The following HS3ST3B1 variants were observed in gnomAD, a reference collection of about 807,000 sequenced individuals.
HS3ST3B1 encodes the protein heparan sulfate-glucosamine 3-sulfotransferase 3B1.
Under a neutral mutation model 21.3 loss-of-function variants are expected in HS3ST3B1, and 13 were observed. That is an observed-to-expected ratio of 0.61 (90% confidence interval 0.40 to 0.97). HS3ST3B1 has a LOEUF of 0.97. Ranked by LOEUF, HS3ST3B1 falls within the 50% of genes least tolerant of loss-of-function variation. The probability of loss-of-function intolerance (pLI) is 0.00; values close to 1 mark genes in which losing one functional copy is unlikely to be tolerated. For missense variants in HS3ST3B1, 459 were observed against 554.8 expected (o/e 0.83, Z 1.73); for synonymous variants, 234 against 254.8 (o/e 0.92, Z 0.78).
In HS3ST3B1 at chr17:14,303,505, G is replaced by C. The variant is rs1331864853; in HGVS notation, c.554+1433G>C. Among the ~76,000 whole-genome samples, 4 of 152,134 alleles carry C rather than the reference G, an allele frequency of 2.6e-5. No homozygotes were observed. The highest frequency in any genetic ancestry group is 5.9e-5 in the Non-Finnish European group (4 of 68,028). On this transcript the variant is annotated intron_variant, in intron 1 of 1. Coordinates refer to ENST00000360954, the MANE Select transcript of HS3ST3B1 (RefSeq NM_006041.3). This position sits in a 1 kb window ranked among gnomAD's most constrained non-coding sequence, Gnocchi z 5.7. ...TCATCTTTCCCACCGTTCCCGGGCT[G>C]TGACCCATTCTCGGGACACTGGTGG...
At chr17:14,317,735 G>A (rs564669142) in intron 1 of HS3ST3B1, among the ~76,000 whole-genome samples, 167 of 152,222 alleles carry the variant, frequency 1.1e-3, no homozygotes, top group Middle Eastern at 3.4e-3. Context: ...GCTCAGAGGT[G>A]GAGAGGCTGG....
intron 1 of HS3ST3B1, among the ~76,000 whole-genome samples, chr17:14,323,654 C>T (rs1909722938): frequency 1.3e-5 from 2 of 152,062 alleles, no homozygotes; most frequent in Non-Finnish European, 2.9e-5. Context: ...TGTGAGGAGG[C>T]TGATAACTAC....
chr17:14,338,332 G>A (rs1910256400), intron 1 of HS3ST3B1, among the ~76,000 whole-genome samples: 1 of 151,606 alleles, frequency 6.6e-6, no homozygotes, highest in South Asian at 2.1e-4. Context: ...CATCATGTTA[G>A]CCAGGACGGT....
chr17:14,329,367 A>AGGAAGGAAGGAAGGAAGGAAGG (rs1340394610), intron 1 of HS3ST3B1: 635 of 105,904 alleles, frequency 6.0e-3, no homozygotes, highest in East Asian at 0.01. Context: ...GAAAGAAAGA[A>AGGAAGGAAGGAAGGAAGGAAGG]AAGGAAGGAA....
intron 1 of HS3ST3B1, among the ~76,000 whole-genome samples, chr17:14,311,787 A>C (rs900126444): frequency 6.6e-6 from 1 of 152,138 alleles, no homozygotes. Flanking sequence ...GCTTGTATGC[A>C]TACCTGTAAT....
intron 1 of HS3ST3B1, among the ~76,000 whole-genome samples, chr17:14,330,577 G>GTGTGTT (rs1244230220): frequency 2.6e-5 from 4 of 151,768 alleles, no homozygotes; most frequent in Non-Finnish European, 5.9e-5. Flanking sequence ...GTGTGTGTGT[G>GTGTGTT]TGTGTGTTGC....
chr17:14,318,368 C>G (rs888692123), intron 1 of HS3ST3B1, among the ~76,000 whole-genome samples: 11 of 152,134 alleles, frequency 7.2e-5, no homozygotes, highest in African/African-American at 2.7e-4. Context: ...GCCACGTGTC[C>G]ACGGCTCTCT....
rs902970291 is a variant in HS3ST3B1, at chr17:14,345,583, G to A, written c.1110G>A (p.Glu370=). The change falls in exon 2 of 2, where the codon GAG becomes GAA. Residue 370 remains glutamate, a synonymous_variant. Transcript: ENST00000360954. The part of the protein sequence containing the change: ...IDREVVRRLR[E]FYRPFNLKFY... ...GCGAGGTGGTGCGCAGGCTGCGCGA[G>A]TTCTACCGGCCTTTCAACCTCAAGT... 2.1e-5 allele frequency: 34 copies of A among 1,600,868 alleles called. No individual in the cohort carries two copies. In the African/African-American group the frequency reaches 3.9e-4, roughly 18 times the overall value.
rs530732448 is a variant in HS3ST3B1 at position 14,312,412 on chromosome 17, T to C, written c.554+10340T>C. Among the ~76,000 whole-genome samples, 95 of 152,276 alleles carry C rather than the reference T, an allele frequency of 6.2e-4. 2 individuals carry two copies. The South Asian group carries it at 0.018, about 30-fold the overall frequency. ...GACCAGTTTTAAGCCATCTCTTCTG[T>C]TGTTTCTTTCCTCCCAAAGATGTAG... On this transcript the variant is annotated intron_variant, in intron 1 of 1. Transcript: ENST00000360954.
chr17:14,320,795 G>T (rs915722589), intron 1 of HS3ST3B1, among the ~76,000 whole-genome samples: 4 of 152,102 alleles, frequency 2.6e-5, no homozygotes, highest in Non-Finnish European at 5.9e-5. Flanking sequence ...TCTCAGCTCC[G>T]CAGACCTACA....
rs1223463577 is a variant in HS3ST3B1 at position 14,303,004 on chromosome 17, A to G, written c.554+932A>G. ...GTTGCGGGTCAGGTTCCAAAGGGAC[A>G]GTGGCCCCGGGGTCACAATCACTAC... On this transcript the variant is annotated intron_variant, in intron 1 of 1. Transcript: ENST00000360954. The surrounding 1 kb of genome is among the most constrained non-coding windows in gnomAD (Gnocchi z 5.7). 6.6e-6 allele frequency among the ~76,000 whole-genome samples: 1 copy of G among 152,218 alleles called. No individual in the cohort carries two copies. The highest frequency in any genetic ancestry group is 2.4e-5 in the African/African-American group (1 of 41,460).
chr17:14,327,582 A>G (rs1909856348), intron 1 of HS3ST3B1: 1 of 152,170 alleles, frequency 6.6e-6, no homozygotes, highest in Non-Finnish European at 1.5e-5. Flanking sequence ...ATCTTTGGAC[A>G]TCTTTGGACA....
rs1252175566 is a variant in HS3ST3B1, at chr17:14,347,812, C to T, written c.*2166C>T. On this transcript the variant is annotated 3_prime_UTR_variant, in exon 2 of 2. Coordinates refer to ENST00000360954, the MANE Select transcript of HS3ST3B1 (RefSeq NM_006041.3). The stretch of plus-strand genomic sequence containing the variant: ...TCTCCCTGTTCTCCAATGTTTTATC[C>T]ATTTCGTAGCTTTTTTACTGTCTCC... 6.6e-6 allele frequency: 1 copy of T among 152,090 alleles called. No individual in the cohort carries two copies. The highest frequency in any genetic ancestry group is 1.9e-4 in the East Asian group (1 of 5,194). The allele number at this position is 152,090 out of a possible 1,614,324, so 9.4% of individuals were successfully genotyped here. A position where few individuals can be genotyped will look rare whatever the true frequency, so the allele number is the denominator to read the frequency against.
At chr17:14,314,297 T>C (rs369638458) in intron 1 of HS3ST3B1, among the ~76,000 whole-genome samples, 2 of 152,294 alleles carry the variant, frequency 1.3e-5, no homozygotes, top group East Asian at 3.9e-4. Flanking sequence ...TTATTTAAAT[T>C]TTTATTTACA....
intron 1 of HS3ST3B1, among the ~76,000 whole-genome samples, chr17:14,316,014 C>G (rs558815939): frequency 6.6e-6 from 1 of 152,264 alleles, no homozygotes; most frequent in East Asian, 1.9e-4. Flanking sequence ...TTCCAGCATC[C>G]TGAGGCATTG....
intron 1 of HS3ST3B1, among the ~76,000 whole-genome samples, chr17:14,344,757 A>G (rs548587855): frequency 1.3e-5 from 2 of 152,308 alleles, no homozygotes; most frequent in Middle Eastern, 3.4e-3. Context: ...GGGAAAGGTT[A>G]TACCCACAAG....
chr17:14,322,147 G>A (rs920735606), intron 1 of HS3ST3B1, among the ~76,000 whole-genome samples: 50 of 151,956 alleles, frequency 3.3e-4, no homozygotes, highest in African/African-American at 1.2e-3. Context: ...TTAGAGATGA[G>A]TCAGAGGTGG....
Position 14,345,820 on chromosome 17 carries a change from T to G in HS3ST3B1, c.*174T>G. ...GAGTTAGCTTCATAATCTGTTAACA[T>G]TCCAAAGTGTTTAACTCTAGTATTT... On this transcript the variant is annotated 3_prime_UTR_variant, in exon 2 of 2. Transcript: ENST00000360954. The G allele has an allele frequency of 7.3e-6, 6 of 817,856 alleles. No individual in the cohort carries two copies. The highest frequency in any genetic ancestry group is 2.9e-5 in the East Asian group (1 of 35,056). 50.7% of individuals were successfully genotyped at this position (817,856 alleles called of 1,614,324 possible).
In HS3ST3B1 at chr17:14,345,673, A is replaced by C; in HGVS notation, c.*27A>C. On this transcript the variant is annotated 3_prime_UTR_variant, in exon 2 of 2. Transcript: ENST00000360954. The stretch of plus-strand genomic sequence containing the variant: ...CAGACCCGGGCTATGTACCTTACCC[A>C]CGTGGCTTATCTATTGACAGAGATT... The C allele has an allele frequency of 6.2e-7, 1 of 1,600,174 alleles. No individual in the cohort carries two copies. The highest frequency in any genetic ancestry group is 8.5e-7 in the Non-Finnish European group (1 of 1,170,808).
Sources: allele counts gnomAD v4.1 joint callset (sites outside exome capture counted in the v4.1 genomes callset), GRCh38; gene constraint gnomAD v4.1.1; non-coding constraint Gnocchi (gnomAD v3.1); transcripts MANE v1.5; gene names NCBI Gene and HGNC (gene_info 2026-07-23, HGNC 2026-07-21).